Variants in VPS13B observed in about 807,000 individuals in gnomAD.
VPS13B encodes vacuolar protein sorting 13 homolog B.
A neutral mutation model predicts 426.4 loss-of-function variants in VPS13B; 285 were observed. That is an observed-to-expected ratio of 0.67 (90% CI 0.61 to 0.74). The LOEUF is 0.74. Ranked by LOEUF, VPS13B falls within the 30% of genes least tolerant of loss-of-function variation. VPS13B has a pLI of 0.00. For missense variants in VPS13B, 4,537 were observed against 4,782.6 expected (o/e 0.95, Z 1.51); for synonymous variants, 1,676 against 1,676.4 (o/e 1.00, Z 0.01).
Position 99,310,418 on chromosome 8 carries a change from G to C in VPS13B, c.2824+35164G>C, listed in dbSNP as rs557308686. ...TGAATGCCTATTGAATTTTGTTAAAGGCCTTTTCTGCATCTATTGAGATAA... is the reference window on the plus strand; with the variant it reads ...TGAATGCCTATTGAATTTTGTTAAACGCCTTTTCTGCATCTATTGAGATAA... On this transcript the variant is annotated intron_variant, in intron 19 of 61. Coordinates refer to ENST00000357162, the MANE Select transcript of VPS13B (RefSeq NM_152564.5). Among the ~76,000 whole-genome samples the C allele has an allele frequency of 4.6e-5, 7 of 152,198 alleles. No homozygotes were observed. In the East Asian group the frequency reaches 1.2e-3, roughly 25 times the overall value.
At position 99,135,530 on chromosome 8, in the gene VPS13B, G is replaced by C. The variant is rs1451318420; in HGVS notation, c.1426-66G>C. ...TAGTAAATGGGCATCATAAAATCAA[G>C]GTTTTATTTTGTTTAACAGGCTAAT... is the stretch of plus-strand genomic sequence containing the variant. On this transcript the variant is annotated intron_variant, in intron 10 of 61. Coordinates refer to ENST00000357162, the MANE Select transcript of VPS13B (RefSeq NM_152564.5). 3 of 1,567,518 alleles carry C rather than the reference G, an allele frequency of 1.9e-6. No homozygotes were observed. The Admixed American group carries it at 5.4e-5, about 28-fold the overall frequency.
At chr8:99,569,312 C>G (rs1825353580) in intron 31 of VPS13B, among the ~76,000 whole-genome samples, 1 of 151,920 alleles carries the variant, frequency 6.6e-6, no homozygotes, top group South Asian at 2.1e-4. Context: ...ACTTATAGCC[C>G]TAACTACTTA....
intron 17 of VPS13B, among the ~76,000 whole-genome samples, chr8:99,246,251 A>G (rs765532956): frequency 1.4e-4 from 21 of 152,174 alleles, no homozygotes; most frequent in African/African-American, 5.1e-4. Flanking sequence ...GCCCTACACC[A>G]TACCTGTTGT....
chr8:99,450,334 T>C (rs1369243528), intron 23 of VPS13B, among the ~76,000 whole-genome samples: 1 of 152,194 alleles, frequency 6.6e-6, no homozygotes, highest in Non-Finnish European at 1.5e-5. Context: ...TATTCTATTA[T>C]AGAAAACAAC....
chr8:99,335,777 G>C (rs1318731748), intron 19 of VPS13B, among the ~76,000 whole-genome samples: 1 of 152,076 alleles, frequency 6.6e-6, no homozygotes, highest in Non-Finnish European at 1.5e-5. Context: ...GCTTCAAAGA[G>C]AATAAAATAC....
chr8:99,549,372 C>A (rs1008600200), intron 30 of VPS13B, among the ~76,000 whole-genome samples: 4 of 152,134 alleles, frequency 2.6e-5, no homozygotes, highest in Non-Finnish European at 5.9e-5. Context: ...CTGTCTTATT[C>A]TCACTTTCCA....
intron 28 of VPS13B, among the ~76,000 whole-genome samples, chr8:99,510,111 G>A (rs1183910713): frequency 1.3e-5 from 2 of 152,182 alleles, no homozygotes; most frequent in Non-Finnish European, 2.9e-5. Context: ...TATAAAAAAT[G>A]CGTTAGCTAT....
chr8:99,654,034 T>G (rs10107958), intron 34 of VPS13B, among the ~76,000 whole-genome samples: 83,372 of 142,440 alleles, frequency 0.59, 24,000 homozygotes, highest in South Asian at 0.72. Context: ...TGATGATGAT[T>G]ATTATTATTA....
intron 15 of VPS13B, among the ~76,000 whole-genome samples, chr8:99,158,394 G>A (rs1308532275): frequency 6.8e-6 from 1 of 147,578 alleles, no homozygotes; most frequent in Non-Finnish European, 1.5e-5. Context: ...TTAGCCGGGT[G>A]TGGTGGTGTG....
At chr8:99,014,437 G>T (rs973868480) in intron 2 of VPS13B, among the ~76,000 whole-genome samples, 1 of 151,978 alleles carries the variant, frequency 6.6e-6, no homozygotes, top group Non-Finnish European at 1.5e-5. Flanking sequence ...TTTAAAAATA[G>T]TTTGTTCCCA....
chr8:99,333,951 T>G (rs1038385553), intron 19 of VPS13B, among the ~76,000 whole-genome samples: 3 of 151,994 alleles, frequency 2.0e-5, no homozygotes, highest in African/African-American at 7.2e-5. Flanking sequence ...ACAGTACAGT[T>G]TACTTCTTCA....
intron 58 of VPS13B, among the ~76,000 whole-genome samples, chr8:99,865,589 T>A (rs568706980): frequency 6.6e-6 from 1 of 152,212 alleles, no homozygotes; most frequent in Non-Finnish European, 1.5e-5. Flanking sequence ...TACCACCATC[T>A]GCCATTAGCA....
chr8:99,852,687 G>A (rs1008643371), intron 55 of VPS13B, among the ~76,000 whole-genome samples: 3 of 152,190 alleles, frequency 2.0e-5, no homozygotes, highest in Non-Finnish European at 4.4e-5. Context: ...GCTGCTTAGA[G>A]CAAGCCTTAA....
At chr8:99,858,273 C>A (rs144486163) in intron 56 of VPS13B, among the ~76,000 whole-genome samples, 1 of 152,238 alleles carries the variant, frequency 6.6e-6, no homozygotes, top group Non-Finnish European at 1.5e-5. Context: ...AGCCCCAAAT[C>A]CCCACCCCAG....
chr8:99,162,568 C>T (rs1046976183), intron 15 of VPS13B, among the ~76,000 whole-genome samples: 3 of 151,894 alleles, frequency 2.0e-5, no homozygotes, highest in South Asian at 2.1e-4. Context: ...CTGGTGGGTT[C>T]GTGGTCTCGC....
At position 99,115,796 on chromosome 8, in the gene VPS13B, G is replaced by A; in HGVS notation, c.859G>A (p.Gly287Arg). ...GCAACTTGGAATTGCTCTTTACTAT[G>A]GAGAAATAGGCAATTTTAAAGAAGG... ...IMQLGIALYY[G>R]EIGNFKEGEI... Residue 287 changes from glycine to arginine, a missense_variant, in exon 7 of 62, where the codon GGA becomes AGA. Coordinates refer to ENST00000357162, the MANE Select transcript of VPS13B (RefSeq NM_152564.5). 2 of 1,613,644 alleles carry A rather than the reference G, an allele frequency of 1.2e-6. No homozygotes were observed. Among genetic ancestry groups the A allele is most frequent in the Non-Finnish European group, 1.7e-6 (2 of 1,179,794 alleles).
intron 14 of VPS13B, 124 bp from the exon 15 acceptor site, chr8:99,156,425 G>T (rs943843899): frequency 6.7e-5 from 55 of 823,544 alleles, no homozygotes; most frequent in Non-Finnish European, 9.8e-5. Context: ...TCTGTAGAAA[G>T]GCATCATTTC....
At chr8:99,167,393 T>C (rs2132656067) in intron 15 of VPS13B, among the ~76,000 whole-genome samples, 1 of 152,208 alleles carries the variant, frequency 6.6e-6, no homozygotes, top group Admixed American at 6.5e-5. Context: ...TATACTATTA[T>C]GTGTTTTATA....
intron 29 of VPS13B, among the ~76,000 whole-genome samples, chr8:99,513,425 A>G (rs1821899291): frequency 6.6e-6 from 1 of 152,180 alleles, no homozygotes; most frequent in Non-Finnish European, 1.5e-5. Flanking sequence ...ATAGAAAAAT[A>G]CAGGGAGAAT....
Sources: allele counts gnomAD v4.1 joint callset (sites outside exome capture counted in the v4.1 genomes callset), GRCh38; gene constraint gnomAD v4.1.1; transcripts MANE v1.5; gene names NCBI Gene and HGNC (gene_info 2026-07-23, HGNC 2026-07-21).